Variants in ZMYND8 observed in about 807,000 individuals in gnomAD.
ZMYND8 encodes the protein MYND-type zinc finger-containing chromatin reader ZMYND8.
In ZMYND8, 37 loss-of-function variants were observed where a neutral mutation model predicts 140.8. That is an observed-to-expected ratio of 0.26 (90% CI 0.20 to 0.35). The LOEUF (loss-of-function observed/expected upper bound fraction) is 0.35. Among genes scored for constraint, ZMYND8 ranks in the 10% least tolerant of loss-of-function variants. ZMYND8 has a pLI of 1.00. For synonymous variants in ZMYND8, 592 were observed against 597.1 expected, an observed-to-expected ratio of 0.99 and a Z score of 0.12; for missense variants, 1,068 against 1,570.0, an observed-to-expected ratio of 0.68 and a Z score of 5.40.
chr20:47,262,262 A>T (rs762514343), intron 12 of ZMYND8, 26 bp downstream of exon 12: 45 of 1,613,908 alleles, frequency 2.8e-5, no homozygotes, highest in Non-Finnish European at 2.2e-5. Context: ...TGCCACAGAA[A>T]GATACTGGCA....
intron 18 of ZMYND8, among the ~76,000 whole-genome samples, chr20:47,225,086 G>C (rs1337408135): frequency 1.3e-5 from 2 of 149,440 alleles, no homozygotes. Flanking sequence ...GCTGGGCCTA[G>C]ACCTCAGGCG....
chr20:47,276,923 A>C (rs927085925), intron 10 of ZMYND8, 128 bp from the exon 11 acceptor site: 26 of 1,030,324 alleles, frequency 2.5e-5, no homozygotes, highest in East Asian at 1.7e-4. Flanking sequence ...AAAAAAAAAA[A>C]AAAAAACTTG....
chr20:47,252,515 T>G (rs2074273439), intron 12 of ZMYND8, among the ~76,000 whole-genome samples: 1 of 152,064 alleles, frequency 6.6e-6, no homozygotes, highest in Admixed American at 6.6e-5. Flanking sequence ...AAAAATACTC[T>G]CCATGGCTAC....
rs535362361 is a variant in ZMYND8 at position 47,318,947 on chromosome 20, T to C, written c.86-8743A>G. 1.3e-5 allele frequency: 18 copies of C among 1,350,946 alleles called. No homozygotes were observed. In the African/African-American group the frequency reaches 2.7e-4, roughly 20 times the overall value. The allele number at this position is 1,350,946 out of a possible 1,614,324, so 83.7% of individuals were successfully genotyped here. On this transcript the variant is annotated intron_variant, in intron 2 of 22. Transcript: ENST00000471951. ...GGCAGGGAACGCCAAGAGGAGGCAC[T>C]TACCTGCCATTGAGAAAGTGCGGCT...
chr20:47,272,215 T>C (rs1487791719), intron 11 of ZMYND8, among the ~76,000 whole-genome samples: 1 of 151,234 alleles, frequency 6.6e-6, no homozygotes, highest in African/African-American at 2.4e-5. Context: ...GTAGCTGGGA[T>C]TACAGGCACA....
intron 2 of ZMYND8, among the ~76,000 whole-genome samples, chr20:47,332,039 T>C (rs1403546648): frequency 6.6e-6 from 1 of 150,904 alleles, no homozygotes. Context: ...CCGTCTCTAC[T>C]AAAAATACAA....
intron 21 of ZMYND8, among the ~76,000 whole-genome samples, chr20:47,216,021 G>A (rs189242408): frequency 5.3e-5 from 8 of 152,294 alleles, no homozygotes; most frequent in South Asian, 2.1e-4. Context: ...GCCTTTGAAC[G>A]GCAGGAGGGA....
intron 17 of ZMYND8, among the ~76,000 whole-genome samples, chr20:47,228,830 T>C (rs3092634): frequency 0.12 from 18,593 of 152,118 alleles, 1,221 homozygotes; most frequent in South Asian, 0.16. Flanking sequence ...AGTCCTGCCA[T>C]TTGTCATTTC....
intron 10 of ZMYND8, among the ~76,000 whole-genome samples, chr20:47,280,366 A>C (rs1346909681): frequency 6.6e-6 from 1 of 152,146 alleles, no homozygotes; most frequent in Non-Finnish European, 1.5e-5. Context: ...CACAAACAGA[A>C]GGGGGCCAGC....
At chr20:47,318,503 C>G (rs1403074930) in intron 2 of ZMYND8, 6 of 355,024 alleles carry the variant, frequency 1.7e-5, no homozygotes, top group South Asian at 1.3e-4. Flanking sequence ...CCTGGCAGAG[C>G]ATAGAAGTAA....
chr20:47,233,233 G>A (rs6018353), intron 16 of ZMYND8, among the ~76,000 whole-genome samples: 3,222 of 133,712 alleles, frequency 0.024, 150 homozygotes, highest in African/African-American at 0.095. Flanking sequence ...TTTTGAGACA[G>A]GGTCCTGCTC....
At chr20:47,266,542 A>G (rs1458551292) in intron 11 of ZMYND8, among the ~76,000 whole-genome samples, 1 of 152,128 alleles carries the variant, frequency 6.6e-6, no homozygotes, top group Non-Finnish European at 1.5e-5. Context: ...TAGGCCTCCC[A>G]AAGTGCTGGG....
At chr20:47,315,959 C>T (rs374373557) in intron 2 of ZMYND8, among the ~76,000 whole-genome samples, 1 of 152,058 alleles carries the variant, frequency 6.6e-6, no homozygotes, top group Non-Finnish European at 1.5e-5. Context: ...TGGCATGGAG[C>T]GGAAAGCAGC....
At chr20:47,338,731 A>C (rs1292406489) in intron 2 of ZMYND8, among the ~76,000 whole-genome samples, 1 of 152,080 alleles carries the variant, frequency 6.6e-6, no homozygotes, top group African/African-American at 2.4e-5. Context: ...ATCCTTGGGG[A>C]AAGTTCTCCC....
At chr20:47,289,396 T>C (rs1331133454) in intron 7 of ZMYND8, among the ~76,000 whole-genome samples, 7 of 152,162 alleles carry the variant, frequency 4.6e-5, no homozygotes, top group Non-Finnish European at 8.8e-5. Flanking sequence ...AAAAACTGTT[T>C]GGTGAAACGT....
intron 12 of ZMYND8, among the ~76,000 whole-genome samples, chr20:47,256,864 T>C (rs1264245286): frequency 1.3e-5 from 2 of 152,194 alleles, no homozygotes; most frequent in Non-Finnish European, 2.9e-5. Flanking sequence ...CGACGTTCCC[T>C]GGCCCTGCCT....
chr20:47,333,457 A>G (rs2081116070), intron 2 of ZMYND8, among the ~76,000 whole-genome samples: 1 of 152,198 alleles, frequency 6.6e-6, no homozygotes, highest in South Asian at 2.1e-4. Flanking sequence ...ATGGCAGGGC[A>G]CAGTGGCTCT....
chr20:47,318,890 C>T (rs1445892527), intron 2 of ZMYND8: 6 of 1,254,068 alleles, frequency 4.8e-6, no homozygotes, highest in Non-Finnish European at 6.3e-6. Flanking sequence ...TCACCAGGAA[C>T]ATCAAGTACC....
At chr20:47,352,088 G>T in intron 1 of ZMYND8, 1 of 838,960 alleles carries the variant, frequency 1.2e-6, no homozygotes, top group Non-Finnish European at 1.4e-6. Flanking sequence ...GAATCGTGCA[G>T]CCCCGTGGCA....
Sources: gnomAD v4.1 joint callset for allele counts (sites outside exome capture counted in the v4.1 genomes callset) on GRCh38, gnomAD v4.1.1 for gene constraint, MANE v1.5 for transcripts, NCBI Gene and HGNC (gene_info 2026-07-23, HGNC 2026-07-21) for gene names.